Variants in RAD51B observed in about 807,000 individuals in gnomAD.
RAD51B encodes the protein DNA repair protein RAD51 homolog 2.
A neutral mutation model predicts 42.2 loss-of-function variants in RAD51B; 38 were observed. The ratio of observed to expected loss-of-function variants is 0.90; its 90% confidence interval spans 0.70 to 1.18. The LOEUF is 1.18. Among genes scored for constraint, RAD51B ranks in the 50% most tolerant of loss-of-function variants. RAD51B has a pLI of 0.00. For synonymous variants in RAD51B, 154 were observed against 145.2 expected (o/e 1.06, Z -0.43); for missense variants, 373 against 400.7 (o/e 0.93, Z 0.59).
chr14:68,443,447 C>T (rs1486972509), intron 9 of RAD51B, among the ~76,000 whole-genome samples: 1 of 152,164 alleles, frequency 6.6e-6, no homozygotes, highest in East Asian at 1.9e-4. Context: ...TTTCCACATG[C>T]TATACATATC....
chr14:68,209,645 A>G (rs974720581), intron 7 of RAD51B, among the ~76,000 whole-genome samples: 7 of 152,140 alleles, frequency 4.6e-5, no homozygotes, highest in African/African-American at 1.7e-4. Flanking sequence ...TACTTTTGGG[A>G]AGATGATTGT....
At chr14:68,432,169 A>C (rs1202009093) in intron 9 of RAD51B, among the ~76,000 whole-genome samples, 2 of 152,248 alleles carry the variant, frequency 1.3e-5, no homozygotes, top group African/African-American at 4.8e-5. Flanking sequence ...CTTTACTTCC[A>C]ACTATGTGGT....
At chr14:68,586,935 G>A (rs1399498111) in intron 10 of RAD51B, among the ~76,000 whole-genome samples, 1 of 152,020 alleles carries the variant, frequency 6.6e-6, no homozygotes, top group Non-Finnish European at 1.5e-5. Flanking sequence ...AACCTAGGAG[G>A]CAGAGGTTGC....
intron 7 of RAD51B, among the ~76,000 whole-genome samples, chr14:68,105,653 C>G (rs562181906): frequency 6.6e-6 from 1 of 151,204 alleles, no homozygotes; most frequent in East Asian, 1.9e-4. Flanking sequence ...AAATCTATAC[C>G]CAGGATAATA....
intron 7 of RAD51B, among the ~76,000 whole-genome samples, chr14:67,971,298 T>TA (rs1302877572): frequency 6.6e-6 from 1 of 152,132 alleles, no homozygotes; most frequent in Non-Finnish European, 1.5e-5. Context: ...TTATACTTCT[T>TA]ATACTAGTAG....
chr14:68,515,796 G>A (rs1329770033), intron 10 of RAD51B, among the ~76,000 whole-genome samples: 1 of 40,080 alleles, frequency 2.5e-5, no homozygotes. Flanking sequence ...TTTTTTTTTT[G>A]AGACAGAGTC....
intron 10 of RAD51B, among the ~76,000 whole-genome samples, chr14:68,648,740 G>T (rs964694756): frequency 6.7e-6 from 1 of 149,584 alleles, no homozygotes; most frequent in Non-Finnish European, 1.5e-5. Context: ...ATTCAACTTT[G>T]CCTGACTTGG....
intron 10 of RAD51B, among the ~76,000 whole-genome samples, chr14:68,558,727 C>A (rs964188490): frequency 6.6e-6 from 1 of 152,160 alleles, no homozygotes; most frequent in Non-Finnish European, 1.5e-5. Context: ...GATTGAGGGC[C>A]CACCCTACTC....
intron 7 of RAD51B, among the ~76,000 whole-genome samples, chr14:68,101,596 C>T (rs2077290588): frequency 1.3e-5 from 2 of 152,242 alleles, no homozygotes; most frequent in South Asian, 2.1e-4. Context: ...TGTCTCATGT[C>T]TAGGTCACAC....
At chr14:68,358,227 C>T (rs1311922997) in intron 8 of RAD51B, among the ~76,000 whole-genome samples, 3 of 152,140 alleles carry the variant, frequency 2.0e-5, no homozygotes, top group Non-Finnish European at 4.4e-5. Flanking sequence ...ATGACCAAAA[C>T]ATGACACAGA....
In RAD51B at chr14:68,193,711, T is replaced by C. The variant is rs2588809; in HGVS notation, c.757-98173T>C. 0.8 allele frequency among the ~76,000 whole-genome samples: 121,971 copies of C among 152,140 alleles called. 49,307 individuals are homozygous for C. The highest frequency in any genetic ancestry group is 0.98 in the East Asian group (5,073 of 5,190). On this transcript the variant is annotated intron_variant, in intron 7 of 10. Transcript: ENST00000471583. ...CAGTGAGCCAGAACACAAGATGATA[T>C]ACCTAATCTCATTCACCAGTCTGTT...
At chr14:68,423,990 T>C (rs778171287) in intron 9 of RAD51B, among the ~76,000 whole-genome samples, 4 of 152,216 alleles carry the variant, frequency 2.6e-5, no homozygotes, top group Non-Finnish European at 4.4e-5. Flanking sequence ...GCACCTTTTC[T>C]GTGCTCTGGG....
intron 11 of RAD51B, among the ~76,000 whole-genome samples, chr14:68,667,130 G>A (rs1309969697): frequency 2.0e-5 from 3 of 152,248 alleles, no homozygotes; most frequent in Non-Finnish European, 4.4e-5. Flanking sequence ...GATGGAGAGA[G>A]ATGGATTTAA....
Position 68,204,316 on chromosome 14 carries a change from G to A in RAD51B, c.757-87568G>A, listed in dbSNP as rs570112662. Among the ~76,000 whole-genome samples, 5 of 152,318 alleles carry A rather than the reference G, an allele frequency of 3.3e-5. 1 individual carries two copies. Among genetic ancestry groups the A allele is most frequent in the Admixed American group, 3.3e-4 (5 of 15,294 alleles). ...AGAGAGGCCCAAGGAGTGGGAAAAA[G>A]ATGGGGAAATAGCTGGCCAATGGAG... On this transcript the variant is annotated intron_variant, in intron 7 of 10. Transcript: ENST00000471583.
chr14:68,153,749 A>C (rs2078439987), intron 7 of RAD51B, among the ~76,000 whole-genome samples: 1 of 152,018 alleles, frequency 6.6e-6, no homozygotes. Flanking sequence ...GCATAGTTTT[A>C]TGCCTCAAAC....
At chr14:67,923,304 T>C (rs1324965406) in intron 7 of RAD51B, among the ~76,000 whole-genome samples, 20 of 99,360 alleles carry the variant, frequency 2.0e-4, no homozygotes, top group Admixed American at 4.8e-4. Flanking sequence ...TTTTCTTTTT[T>C]TTTTTTTTTT....
At chr14:68,166,143 GA>G (rs2140840593) in intron 7 of RAD51B, among the ~76,000 whole-genome samples, 1 of 149,220 alleles carries the variant, frequency 6.7e-6, no homozygotes, top group African/African-American at 2.5e-5. Flanking sequence ...TGGCCTACTG[GA>G]AGACCAGGTA....
intron 7 of RAD51B, among the ~76,000 whole-genome samples, chr14:68,120,643 T>C (rs2077633843): frequency 6.6e-6 from 1 of 152,158 alleles, no homozygotes; most frequent in South Asian, 2.1e-4. Context: ...TGGGTTTTTT[T>C]TTCTTAGTTT....
intron 7 of RAD51B, among the ~76,000 whole-genome samples, chr14:68,268,167 G>A (rs1479485727): frequency 2.0e-5 from 3 of 152,056 alleles, no homozygotes; most frequent in Non-Finnish European, 4.4e-5. Context: ...CTACCATTCT[G>A]GGAACTATCA....
Sources: allele counts gnomAD v4.1 joint callset (sites outside exome capture counted in the v4.1 genomes callset), GRCh38; gene constraint gnomAD v4.1.1; transcripts MANE v1.5; gene names NCBI Gene and HGNC (gene_info 2026-07-23, HGNC 2026-07-21).